Variants in IQGAP2 observed in about 807,000 individuals in gnomAD.
The protein encoded by IQGAP2 is IQ motif containing GTPase activating protein 2.
IQGAP2 carries 173 observed loss-of-function variants against 201.3 expected under a neutral mutation model. That is an observed-to-expected ratio of 0.86 (90% confidence interval 0.76 to 0.98). The LOEUF (loss-of-function observed/expected upper bound fraction) is 0.98. IQGAP2 is among the 50% of genes least tolerant of loss of function. The pLI is 0.00. For missense variants in IQGAP2, 1,687 were observed against 1,864.8 expected, an observed-to-expected ratio of 0.90 and a Z score of 1.76; for synonymous variants, 675 against 673.9, an observed-to-expected ratio of 1.00 and a Z score of -0.03.
rs542515508 is a variant in IQGAP2 at position 76,413,234 on chromosome 5, T to C, written c.46+9643T>C. ...CCTAGGCTGGAGTGCAGTGGCGCGA[T>C]CTTGGCTCACTGCAACCTCCACCTC... On this transcript the variant is annotated intron_variant, in intron 1 of 35. Transcript: ENST00000274364. Among the ~76,000 whole-genome samples, 24 of 141,810 alleles carry C rather than the reference T, an allele frequency of 1.7e-4. No individual in the cohort carries two copies. The Middle Eastern group carries it at 0.011, about 65-fold the overall frequency. The allele number at this position is 141,810 out of a possible 152,430, so 93.0% of individuals were successfully genotyped here. A position where few individuals can be genotyped will look rare whatever the true frequency, so the allele number is the denominator to read the frequency against.
intron 1 of IQGAP2, among the ~76,000 whole-genome samples, chr5:76,445,849 C>T (rs1425508849): frequency 1.3e-5 from 2 of 152,148 alleles, no homozygotes; most frequent in African/African-American, 2.4e-5. Context: ...CCCGTTCTCT[C>T]CTCCCCAACA....
chr5:76,594,570 T>C (rs1327848343), intron 9 of IQGAP2, among the ~76,000 whole-genome samples: 1 of 152,158 alleles, frequency 6.6e-6, no homozygotes, highest in African/African-American at 2.4e-5. Flanking sequence ...TCTTTTTATC[T>C]CTCCCCATCT....
chr5:76,631,962 C>A lies in IQGAP2; in HGVS notation c.1716C>A (p.Ile572=). 1 of 1,612,520 alleles carries A rather than the reference C, an allele frequency of 6.2e-7. No individual in the cohort carries two copies. The highest frequency in any genetic ancestry group is 1.1e-5 in the South Asian group (1 of 90,894). ...KSSTSNANDI[I]PECADKYYDA... ...CCACTTCTAATGCAAATGACATAAT[C>A]CCGGAGTGTGCTGACAAATACTATG... The change falls in exon 15 of 36, where the codon ATC becomes ATA. Residue 572 remains isoleucine, a synonymous_variant. Coordinates refer to ENST00000274364, the MANE Select transcript of IQGAP2 (RefSeq NM_006633.5).
At chr5:76,489,576 C>T (rs1756403958) in intron 2 of IQGAP2, among the ~76,000 whole-genome samples, 1 of 152,116 alleles carries the variant, frequency 6.6e-6, no homozygotes, top group Non-Finnish European at 1.5e-5. Flanking sequence ...ATTCTTGTGC[C>T]TCGGCCTCCC....
At chr5:76,705,971 T>TTTATATGCTGGCAGTGA (rs1240472119) in intron 35 of IQGAP2, among the ~76,000 whole-genome samples, 2 of 152,314 alleles carry the variant, frequency 1.3e-5, no homozygotes, top group Admixed American at 1.3e-4. Context: ...ATTTCCTTTG[T>TTTATATGCTGGCAGTGA]TTATATGCTG....
At chr5:76,513,461 T>C (rs72775791) in intron 2 of IQGAP2, among the ~76,000 whole-genome samples, 10,755 of 152,280 alleles carry the variant, frequency 0.071, 538 homozygotes, top group Non-Finnish European at 0.11. Flanking sequence ...TTTGCGTATA[T>C]GTATAAAATT....
At chr5:76,619,401 AG>A (rs1365166708) in intron 13 of IQGAP2, among the ~76,000 whole-genome samples, 4 of 152,068 alleles carry the variant, frequency 2.6e-5, no homozygotes, top group Non-Finnish European at 5.9e-5. Context: ...CCATTGTGTT[AG>A]GCAGAATAGT....
At chr5:76,664,688 A>AT (rs11449449) in intron 21 of IQGAP2, among the ~76,000 whole-genome samples, 94,202 of 151,888 alleles carry the variant, frequency 0.62, 29,633 homozygotes, top group Non-Finnish European at 0.67. Context: ...ATTTCAAAAA[A>AT]AAAAAAAGAT....
intron 13 of IQGAP2, chr5:76,616,096 T>C (rs1483245274): frequency 6.6e-6 from 1 of 152,664 alleles, no homozygotes; most frequent in East Asian, 1.9e-4. Flanking sequence ...GAGCACCTTC[T>C]CCATTATACT....
At chr5:76,482,555 C>T (rs766728019) in intron 2 of IQGAP2, among the ~76,000 whole-genome samples, 1 of 152,058 alleles carries the variant, frequency 6.6e-6, no homozygotes, top group African/African-American at 2.4e-5. Context: ...GGCCCAATAT[C>T]GACATGTTAA....
At chr5:76,409,978 T>C (rs138244737) in intron 1 of IQGAP2, among the ~76,000 whole-genome samples, 1 of 152,286 alleles carries the variant, frequency 6.6e-6, no homozygotes, top group East Asian at 1.9e-4. Context: ...AAATGATATA[T>C]CTATAGAGGT....
chr5:76,591,442 A>AT (rs1188167182), intron 8 of IQGAP2, among the ~76,000 whole-genome samples: 1 of 152,058 alleles, frequency 6.6e-6, no homozygotes, highest in Non-Finnish European at 1.5e-5. Flanking sequence ...TTATTGAAAA[A>AT]TTTGTCTACG....
Position 76,674,555 on chromosome 5 carries a change from A to G in IQGAP2, c.3373A>G (p.Thr1125Ala), listed in dbSNP as rs1388137823. The G allele has an allele frequency of 6.2e-7, 1 of 1,613,958 alleles. No homozygotes were observed. The highest frequency in any genetic ancestry group is 8.5e-7 in the Non-Finnish European group (1 of 1,179,964). ...AGATGGCTTTGATATCATCGACATG[A>G]CAGCTGGAGGTCAGATAAATTCTGA... The part of the protein sequence containing the change: ...APDGFDIIDM[T>A]AGGQINSDQR... The change falls in exon 27 of 36, where the codon ACA becomes GCA. Residue 1125 changes from threonine to alanine, a missense_variant. By Grantham distance (58) the Thr-to-Ala change is moderately conservative. Transcript: ENST00000274364.
At chr5:76,522,474 C>T (rs1315865111) in intron 2 of IQGAP2, among the ~76,000 whole-genome samples, 2 of 152,142 alleles carry the variant, frequency 1.3e-5, no homozygotes, top group East Asian at 1.9e-4. Flanking sequence ...TGAGCCACCG[C>T]GCCTGGCCAT....
intron 5 of IQGAP2, among the ~76,000 whole-genome samples, chr5:76,577,603 G>A (rs1299010891): frequency 2.0e-5 from 3 of 152,112 alleles, no homozygotes; most frequent in Admixed American, 6.5e-5. Context: ...CTATGGAGCC[G>A]AGAAGTCCCA....
chr5:76,471,441 T>G lies in IQGAP2; in HGVS notation c.146+9772T>G, dbSNP rs533706608. Among the ~76,000 whole-genome samples, 8 of 151,740 alleles carry G rather than the reference T, an allele frequency of 5.3e-5. No homozygotes were observed. The East Asian group carries it at 1.6e-3, about 29-fold the overall frequency. On this transcript the variant is annotated intron_variant, in intron 2 of 35. Transcript: ENST00000274364. ...GAAATATTATCTTCAAAGGTCTCTTTAGGTAAGCCAAGCCATTGGCTATAT... is the reference window on the plus strand; with the variant it reads ...GAAATATTATCTTCAAAGGTCTCTTGAGGTAAGCCAAGCCATTGGCTATAT...
intron 9 of IQGAP2, among the ~76,000 whole-genome samples, chr5:76,595,411 G>A (rs565802131): frequency 1.4e-5 from 2 of 147,630 alleles, no homozygotes; most frequent in African/African-American, 5.1e-5. Flanking sequence ...TAAATGCAGA[G>A]TGTAAAAGAG....
intron 2 of IQGAP2, among the ~76,000 whole-genome samples, chr5:76,470,062 C>A (rs1228126630): frequency 6.6e-6 from 1 of 152,164 alleles, no homozygotes; most frequent in Non-Finnish European, 1.5e-5. Context: ...CACTTCCAAG[C>A]CACCCAGTGA....
intron 30 of IQGAP2, among the ~76,000 whole-genome samples, chr5:76,688,886 C>A (rs537803896): frequency 6.6e-6 from 1 of 152,048 alleles, no homozygotes; most frequent in South Asian, 2.1e-4. Context: ...TAAACCTTTT[C>A]CTGGGTAACA....
Sources: gnomAD v4.1 joint callset for allele counts (sites outside exome capture counted in the v4.1 genomes callset) on GRCh38, gnomAD v4.1.1 for gene constraint, MANE v1.5 for transcripts, NCBI Gene and HGNC (gene_info 2026-07-23, HGNC 2026-07-21) for gene names.